Variants in GRIN2B observed in about 807,000 individuals in gnomAD.
GRIN2B encodes the protein glutamate receptor ionotropic, NMDA 2B.
A neutral mutation model predicts 114.5 loss-of-function variants in GRIN2B; 5 were observed. The observed-to-expected ratio is 0.04, with a 90% CI of 0.02 to 0.09. The LOEUF is 0.09. Among genes scored for constraint, GRIN2B ranks in the 10% least tolerant of loss-of-function variants. GRIN2B has a pLI of 1.00. For missense variants in GRIN2B, 1,108 were observed against 1,943.5 expected, an observed-to-expected ratio of 0.57 and a Z score of 8.08; for synonymous variants, 787 against 745.1, an observed-to-expected ratio of 1.06 and a Z score of -0.92.
At chr12:13,622,008 T>C (rs1949523057) in intron 5 of GRIN2B, among the ~76,000 whole-genome samples, 1 of 150,790 alleles carries the variant, frequency 6.6e-6, no homozygotes, top group African/African-American at 2.4e-5. Flanking sequence ...GAATGTGTCA[T>C]TGTGAAGAAG....
At chr12:13,959,645 C>T (rs1867655482) in intron 2 of GRIN2B, among the ~76,000 whole-genome samples, 1 of 151,808 alleles carries the variant, frequency 6.6e-6, no homozygotes, top group Admixed American at 6.6e-5. Context: ...GGAGAGGGGG[C>T]CAGTGGAAAC....
intron 10 of GRIN2B, among the ~76,000 whole-genome samples, chr12:13,594,345 T>A (rs1283069949): frequency 2.0e-5 from 3 of 151,958 alleles, no homozygotes; most frequent in African/African-American, 7.3e-5. Context: ...TATGCAGCCA[T>A]AAAAAAGGAT....
intron 4 of GRIN2B, among the ~76,000 whole-genome samples, chr12:13,698,582 T>C (rs1296812780): frequency 6.6e-6 from 1 of 152,234 alleles, no homozygotes; most frequent in Non-Finnish European, 1.5e-5. Flanking sequence ...ATTTCCACAA[T>C]GTGTATACAT....
intron 2 of GRIN2B, among the ~76,000 whole-genome samples, chr12:13,950,435 T>A (rs899223422): frequency 2.6e-5 from 4 of 152,340 alleles, no homozygotes; most frequent in African/African-American, 9.6e-5. Flanking sequence ...CTCTTTAAGT[T>A]TATTCCTTAT....
At chr12:13,790,955 C>T (rs1864309410) in intron 3 of GRIN2B, among the ~76,000 whole-genome samples, 1 of 152,106 alleles carries the variant, frequency 6.6e-6, no homozygotes, top group African/African-American at 2.4e-5. Flanking sequence ...AGGCTGGAAC[C>T]CTTCCCTGCA....
chr12:13,945,745 T>A (rs986659640), intron 2 of GRIN2B, among the ~76,000 whole-genome samples: 1 of 152,172 alleles, frequency 6.6e-6, no homozygotes, highest in Non-Finnish European at 1.5e-5. Flanking sequence ...TAACCCCAGC[T>A]GAAGTCTGTG....
intron 10 of GRIN2B, among the ~76,000 whole-genome samples, chr12:13,604,209 T>A (rs1949206672): frequency 6.6e-6 from 1 of 152,164 alleles, no homozygotes; most frequent in Non-Finnish European, 1.5e-5. Flanking sequence ...TTGCTGAATG[T>A]TCGAACTTGC....
At chr12:13,712,906 C>T (rs954895026) in intron 4 of GRIN2B, among the ~76,000 whole-genome samples, 3 of 151,798 alleles carry the variant, frequency 2.0e-5, no homozygotes, top group Admixed American at 6.6e-5. Context: ...GAATATGTGA[C>T]AGTGAAAATG....
chr12:13,943,453 CT>C lies in GRIN2B; in HGVS notation c.-19+36474del, dbSNP rs146569072. On this transcript the variant is annotated intron_variant, in intron 2 of 13. Transcript: ENST00000609686. ...ACTCCTACTCAAGATTCTCCCCTGA[CT>C]CCCCCATTGAATTTAGAATAAAATC... is the stretch of plus-strand genomic sequence containing the variant. Among the ~76,000 whole-genome samples the C allele has an allele frequency of 7.2e-3, 1,093 of 152,244 alleles. 16 individuals are homozygous for C. The highest frequency in any genetic ancestry group is 0.025 in the African/African-American group (1,052 of 41,542).
chr12:13,686,923 G>C (rs544451896), intron 4 of GRIN2B, among the ~76,000 whole-genome samples: 24 of 152,200 alleles, frequency 1.6e-4, no homozygotes, highest in African/African-American at 5.8e-4. Flanking sequence ...CCTCCCTTGG[G>C]GATAAGTTCC....
chr12:13,979,349 C>A (rs765573019), intron 2 of GRIN2B, among the ~76,000 whole-genome samples: 1 of 151,976 alleles, frequency 6.6e-6, no homozygotes, highest in Non-Finnish European at 1.5e-5. Flanking sequence ...ATAGGCCTCC[C>A]GGGATCTCTG....
Position 13,753,381 on chromosome 12 carries a change from C to T in GRIN2B, c.946G>A (p.Glu316Lys). 6.2e-7 allele frequency: 1 copy of T among 1,614,064 alleles called. No homozygotes were observed. The highest frequency in any genetic ancestry group is 8.5e-7 in the Non-Finnish European group (1 of 1,179,918). ...GTGTTGTAACAACTGCTTTTGGGCT[C>T]AGGGATGAAGCTGTGCTCAGACAGC... is the stretch of plus-strand genomic sequence containing the variant. ...DMLSEHSFIP[E>K]PKSSCYNTHE... Residue 316 changes from glutamate to lysine, a missense_variant, in exon 4 of 14, where the codon GAG becomes AAG. By Grantham distance (56) the Glu-to-Lys change is moderately conservative. This residue lies in a region of GRIN2B where 199 missense variants were observed against 439.6 expected (regional missense o/e 0.45). Coordinates refer to ENST00000609686, the MANE Select transcript of GRIN2B (RefSeq NM_000834.5). This position sits in a 1 kb window ranked among gnomAD's most constrained non-coding sequence, Gnocchi z 6.2.
At chr12:13,729,353 A>T (rs997480812) in intron 4 of GRIN2B, among the ~76,000 whole-genome samples, 1 of 152,062 alleles carries the variant, frequency 6.6e-6, no homozygotes, top group Non-Finnish European at 1.5e-5. Context: ...TCATGTCCGA[A>T]CTCATTCTCA....
intron 2 of GRIN2B, among the ~76,000 whole-genome samples, chr12:13,868,179 C>T (rs1865855710): frequency 6.6e-6 from 1 of 152,124 alleles, no homozygotes; most frequent in African/African-American, 2.4e-5. Context: ...CCTTGTCTCT[C>T]TCTCACAAAT....
At chr12:13,633,778 A>G (rs1294620839) in intron 5 of GRIN2B, among the ~76,000 whole-genome samples, 2 of 152,174 alleles carry the variant, frequency 1.3e-5, no homozygotes, top group East Asian at 1.9e-4. Flanking sequence ...GATAATCAAC[A>G]TTTTATTTGA....
At chr12:13,717,747 A>G (rs1950469755) in intron 4 of GRIN2B, among the ~76,000 whole-genome samples, 1 of 152,026 alleles carries the variant, frequency 6.6e-6, no homozygotes, top group Admixed American at 6.6e-5. Context: ...AAGTAAAAAG[A>G]TACAAAATAC....
chr12:13,746,305 G>A (rs1863381768), intron 4 of GRIN2B, among the ~76,000 whole-genome samples: 1 of 152,122 alleles, frequency 6.6e-6, no homozygotes, highest in Non-Finnish European at 1.5e-5. Flanking sequence ...AACTGGGGCT[G>A]ATTTAAATAT....
chr12:13,547,132 C>T lies in GRIN2B; in HGVS notation c.*15651G>A, dbSNP rs1156870407. The T allele has an allele frequency of 6.6e-6, 1 of 152,110 alleles. No homozygotes were observed. The highest frequency in any genetic ancestry group is 6.5e-5 in the Admixed American group (1 of 15,270). 9.4% of individuals were successfully genotyped at this position (152,110 alleles called of 1,614,324 possible). A position where few individuals can be genotyped will look rare whatever the true frequency, so the allele number is the denominator to read the frequency against. On this transcript the variant is annotated 3_prime_UTR_variant, in exon 14 of 14. Transcript: ENST00000609686. ...TAAGAATACAGTTTAAGGGATATAT[C>T]CCATTTTCATAGGAAAGGAAAGTCG...
intron 5 of GRIN2B, among the ~76,000 whole-genome samples, chr12:13,654,051 AG>A (rs1245830093): frequency 2.6e-5 from 4 of 152,088 alleles, no homozygotes; most frequent in Non-Finnish European, 5.9e-5. Context: ...AAATCCAAAA[AG>A]GCTGTACCTA....
Sources: allele counts gnomAD v4.1 joint callset (sites outside exome capture counted in the v4.1 genomes callset), GRCh38; gene constraint gnomAD v4.1.1; regional missense constraint gnomAD v4.1.1; non-coding constraint Gnocchi (gnomAD v3.1); transcripts MANE v1.5; gene names NCBI Gene and HGNC (gene_info 2026-07-23, HGNC 2026-07-21).